Variants in TTC39B observed in about 807,000 individuals in gnomAD.
TTC39B encodes the protein tetratricopeptide repeat protein 39B.
TTC39B carries 92 observed loss-of-function variants against 96.6 expected under a neutral mutation model. That is an observed-to-expected ratio of 0.95 (90% CI 0.80 to 1.13). The LOEUF is 1.13. Ranked by LOEUF, TTC39B falls within the 50% of genes most tolerant of loss-of-function variation. The pLI is 0.00. For synonymous variants in TTC39B, 367 were observed against 299.4 expected (o/e 1.23, Z -2.33); for missense variants, 955 against 809.3 (o/e 1.18, Z -2.18).
intron 1 of TTC39B, among the ~76,000 whole-genome samples, chr9:15,275,750 T>C (rs1039977698): frequency 3.9e-5 from 6 of 152,178 alleles, no homozygotes; most frequent in African/African-American, 1.4e-4. Context: ...ACTACAGTCA[T>C]GTTGTCTACA....
intron 6 of TTC39B, among the ~76,000 whole-genome samples, 185 bp from the exon 7 acceptor site, chr9:15,204,075 G>C (rs1004089837): frequency 2.6e-5 from 4 of 152,172 alleles, no homozygotes; most frequent in African/African-American, 9.7e-5. Context: ...GATTTTCCTG[G>C]AATGTGTGAA....
exon 20 of TTC39B, chr9:15,163,761 C>T (rs1207281815): frequency 1.5e-4 from 23 of 152,106 alleles, no homozygotes; most frequent in Non-Finnish European, 4.4e-5. Context: ...TGTGATACTA[C>T]GGAATGAAAA....
At chr9:15,228,377 T>C (rs1465632754) in intron 2 of TTC39B, among the ~76,000 whole-genome samples, 2 of 152,102 alleles carry the variant, frequency 1.3e-5, no homozygotes, top group Admixed American at 6.5e-5. Flanking sequence ...GACAGGAGAA[T>C]TGCTTGAACC....
intron 1 of TTC39B, among the ~76,000 whole-genome samples, chr9:15,303,047 A>G (rs898104859): frequency 2.0e-5 from 3 of 151,912 alleles, no homozygotes; most frequent in African/African-American, 7.3e-5. Context: ...ACGCACATGT[A>G]GTCCCAGCTA....
chr9:15,245,834 G>A (rs1480096245), intron 2 of TTC39B, among the ~76,000 whole-genome samples: 3 of 152,158 alleles, frequency 2.0e-5, no homozygotes, highest in African/African-American at 7.2e-5. Flanking sequence ...CAAAAGAAAA[G>A]TAAACCATGC....
At chr9:15,268,790 C>A (rs906782041) in intron 1 of TTC39B, among the ~76,000 whole-genome samples, 2 of 152,216 alleles carry the variant, frequency 1.3e-5, no homozygotes, top group Admixed American at 6.5e-5. Flanking sequence ...GTGCTTGACA[C>A]CCTCCATTCA....
At chr9:15,258,021 C>T (rs1822818024) in intron 2 of TTC39B, among the ~76,000 whole-genome samples, 1 of 152,028 alleles carries the variant, frequency 6.6e-6, no homozygotes, top group African/African-American at 2.4e-5. Flanking sequence ...GTTCGTACCA[C>T]TGCACTCCAG....
intron 2 of TTC39B, 124 bp downstream of exon 2, chr9:15,267,790 C>CT (rs200816790): frequency 1.6e-3 from 1,157 of 746,016 alleles, no homozygotes; most frequent in African/African-American, 1.9e-3. Context: ...AGAAAAGTGA[C>CT]TTTTTTTTTC....
intron 7 of TTC39B, among the ~76,000 whole-genome samples, chr9:15,201,911 T>G (rs1225254570): frequency 6.6e-6 from 1 of 152,134 alleles, no homozygotes; most frequent in Non-Finnish European, 1.5e-5. Context: ...AGAGACTCAT[T>G]TTTAAGAGGT....
At chr9:15,211,733 G>C (rs926261752) in intron 4 of TTC39B, among the ~76,000 whole-genome samples, 1 of 152,158 alleles carries the variant, frequency 6.6e-6, no homozygotes, top group African/African-American at 2.4e-5. Context: ...TGAAATAAGT[G>C]CTAAAATAAA....
At chr9:15,173,058 T>C (rs1355927971) in intron 19 of TTC39B, among the ~76,000 whole-genome samples, 1 of 152,206 alleles carries the variant, frequency 6.6e-6, no homozygotes, top group Non-Finnish European at 1.5e-5. Flanking sequence ...ATTGTCAGTA[T>C]TGTCTTGAGT....
chr9:15,264,697 A>G (rs1823064352), intron 2 of TTC39B, among the ~76,000 whole-genome samples: 1 of 148,382 alleles, frequency 6.7e-6, no homozygotes. Context: ...GATGATAGAT[A>G]TCGTCATTTG....
intron 8 of TTC39B, among the ~76,000 whole-genome samples, chr9:15,198,699 A>C (rs1275895002): frequency 6.6e-6 from 1 of 151,946 alleles, no homozygotes; most frequent in Non-Finnish European, 1.5e-5. Context: ...AAAAAGGGGG[A>C]GAGAACAGAT....
rs149271168 is a variant in TTC39B at position 15,284,239 on chromosome 9, A to G, written c.241-16291T>C. On this transcript the variant is annotated intron_variant, in intron 1 of 19. Coordinates refer to ENST00000512701, the Ensembl canonical transcript of TTC39B. ...TTGTCCCTGTGATTGGCAAAAATTT[A>G]CAAGGTTGATAATATCCACAGTTGG... is the stretch of plus-strand genomic sequence containing the variant. 2.8e-3 allele frequency among the ~76,000 whole-genome samples: 423 copies of G among 152,374 alleles called. 1 individual carries two copies. The highest frequency in any genetic ancestry group is 9.5e-3 in the African/African-American group (394 of 41,592).
intron 2 of TTC39B, among the ~76,000 whole-genome samples, chr9:15,238,291 G>A (rs899874463): frequency 1.1e-4 from 17 of 152,070 alleles, no homozygotes; most frequent in Non-Finnish European, 2.4e-4. Flanking sequence ...GATATAAAAG[G>A]CATCCAAATT....
At chr9:15,296,074 T>C (rs1824364009) in intron 1 of TTC39B, among the ~76,000 whole-genome samples, 1 of 152,188 alleles carries the variant, frequency 6.6e-6, no homozygotes, top group Non-Finnish European at 1.5e-5. Context: ...GTGTAAGGAC[T>C]GTGACTCATG....
At chr9:15,236,930 GA>G (rs1280497243) in intron 2 of TTC39B, among the ~76,000 whole-genome samples, 1 of 150,884 alleles carries the variant, frequency 6.6e-6, no homozygotes, top group Non-Finnish European at 1.5e-5. Flanking sequence ...AGAAAAACAA[GA>G]ACAAACCAAC....
chr9:15,294,848 C>T (rs1824313936), intron 1 of TTC39B, among the ~76,000 whole-genome samples: 1 of 152,192 alleles, frequency 6.6e-6, no homozygotes, highest in South Asian at 2.1e-4. Flanking sequence ...TTCTGGGCCC[C>T]CCACGATAAG....
chr9:15,178,442 G>T (rs1040853955), intron 17 of TTC39B, among the ~76,000 whole-genome samples: 1 of 152,054 alleles, frequency 6.6e-6, no homozygotes, highest in African/African-American at 2.4e-5. Flanking sequence ...TGGGCATGAT[G>T]GCACATGCCT....
Sources: allele counts gnomAD v4.1 joint callset (sites outside exome capture counted in the v4.1 genomes callset), GRCh38; gene constraint gnomAD v4.1.1; transcripts MANE v1.5; gene names NCBI Gene and HGNC (gene_info 2026-07-23, HGNC 2026-07-21).